The following TET1 variants were observed in gnomAD, a reference collection of about 807,000 sequenced individuals.
TET1 encodes methylcytosine dioxygenase TET1.
In TET1, 13 loss-of-function variants were observed where a neutral mutation model predicts 148.7. The ratio of observed to expected loss-of-function variants is 0.09; its 90% confidence interval spans 0.06 to 0.14. TET1 has a LOEUF of 0.14. Among genes scored for constraint, TET1 ranks in the 10% least tolerant of loss-of-function variants. The probability of loss-of-function intolerance (pLI) is 1.00; values close to 1 mark genes in which losing one functional copy is unlikely to be tolerated. For missense variants in TET1, 2,182 were observed against 2,553.8 expected (o/e 0.85, Z 3.14); for synonymous variants, 907 against 937.2 (o/e 0.97, Z 0.59).
intron 2 of TET1, among the ~76,000 whole-genome samples, chr10:68,586,510 T>C (rs1041914091): frequency 2.2e-4 from 32 of 147,090 alleles, no homozygotes; most frequent in African/African-American, 6.4e-4. Flanking sequence ...TTAATTTTTA[T>C]TTTTTGTAGA....
In TET1 at chr10:68,608,902, G is replaced by C. The variant is rs888300695; in HGVS notation, c.1968+7868G>C. Among the ~76,000 whole-genome samples, 8 of 152,162 alleles carry C rather than the reference G, an allele frequency of 5.3e-5. No individual in the cohort carries two copies. In the East Asian group the frequency reaches 1.5e-3, roughly 29 times the overall value. ...AAGAGGGGTCTCAAATGTTGCCCAG[G>C]GTGGTCTCAACCTCCTGGATTCAAG... On this transcript the variant is annotated intron_variant, in intron 3 of 11. Transcript: ENST00000373644.
intron 6 of TET1, among the ~76,000 whole-genome samples, chr10:68,664,503 C>A (rs765843676): frequency 4.8e-5 from 7 of 146,670 alleles, no homozygotes; most frequent in Non-Finnish European, 9.0e-5. Context: ...CGGCTCCCGC[C>A]TAAGCCTCCC....
chr10:68,678,465 A>T (rs1047845563), intron 8 of TET1, among the ~76,000 whole-genome samples: 1 of 152,200 alleles, frequency 6.6e-6, no homozygotes, highest in African/African-American at 2.4e-5. Context: ...GAGTGTGAAC[A>T]GAGGCCTGGT....
chr10:68,692,425 T>C lies in TET1; in HGVS notation c.*611T>C, dbSNP rs899497733. On this transcript the variant is annotated 3_prime_UTR_variant, in exon 12 of 12. Transcript: ENST00000373644. ...AGGCTGTTCATAAATTGTAAATATA[T>C]ATTTTAAAAGCACTTTCTATTTTTA... 2 of 231,944 alleles carry C rather than the reference T, an allele frequency of 8.6e-6. No individual in the cohort carries two copies. The highest frequency in any genetic ancestry group is 1.7e-5 in the Non-Finnish European group (2 of 117,118). The allele number at this position is 231,944 out of a possible 1,614,324, so 14.4% of individuals were successfully genotyped here.
At chr10:68,671,277 C>T (rs1296347487) in intron 7 of TET1, among the ~76,000 whole-genome samples, 1 of 152,206 alleles carries the variant, frequency 6.6e-6, no homozygotes, top group Non-Finnish European at 1.5e-5. Context: ...TTAACTCCTA[C>T]TTATAAGTGA....
At chr10:68,633,681 T>C (rs1001809407) in intron 3 of TET1, among the ~76,000 whole-genome samples, 8 of 152,194 alleles carry the variant, frequency 5.3e-5, no homozygotes, top group African/African-American at 1.9e-4. Context: ...TCTGCTCACC[T>C]TGGCCTTCCA....
intron 3 of TET1, among the ~76,000 whole-genome samples, chr10:68,631,436 T>C (rs201076874): frequency 4.9e-4 from 24 of 49,136 alleles, no homozygotes; most frequent in East Asian, 8.9e-4. Flanking sequence ...CTTTCTTCTT[T>C]TTTTTTTTTT....
chr10:68,622,547 T>G (rs1241745009), intron 3 of TET1, among the ~76,000 whole-genome samples: 4 of 152,018 alleles, frequency 2.6e-5, no homozygotes, highest in South Asian at 2.1e-4. Flanking sequence ...ATTACAGGCA[T>G]GAGCCACCAC....
At chr10:68,671,769 GTTTTGT>G (rs539861971) in intron 7 of TET1, among the ~76,000 whole-genome samples, 1,702 of 152,164 alleles carry the variant, frequency 0.011, 33 homozygotes, top group African/African-American at 0.038. Flanking sequence ...TTCAGAAACT[GTTTTGT>G]TTTTGTTTTT....
At chr10:68,605,473 T>C (rs761690964) in intron 3 of TET1, among the ~76,000 whole-genome samples, 1 of 152,190 alleles carries the variant, frequency 6.6e-6, no homozygotes. Flanking sequence ...TAGGGAAAGA[T>C]ACTTAACATT....
chr10:68,668,083 G>A (rs2055218712), intron 7 of TET1, among the ~76,000 whole-genome samples: 1 of 151,958 alleles, frequency 6.6e-6, no homozygotes, highest in Non-Finnish European at 1.5e-5. Context: ...TTTTTTGTTT[G>A]TTTGTTTTAA....
intron 3 of TET1, among the ~76,000 whole-genome samples, chr10:68,622,951 G>A (rs73278526): frequency 6.6e-6 from 1 of 152,080 alleles, no homozygotes; most frequent in Non-Finnish European, 1.5e-5. Context: ...TAATCCACAG[G>A]AGTCAGGTGC....
At chr10:68,637,955 G>C (rs1437577595) in intron 3 of TET1, among the ~76,000 whole-genome samples, 1 of 151,824 alleles carries the variant, frequency 6.6e-6, no homozygotes, top group African/African-American at 2.4e-5. Flanking sequence ...AATTTTTGTA[G>C]TTTTCGTAGA....
At position 68,693,063 on chromosome 10, in the gene TET1, G is replaced by A. The variant is rs1378182737; in HGVS notation, c.*1249G>A. ...ACAAACATGGCTTTGTCCATTAAGA[G>A]CTAATTCATTTGTTTATCTTAGCAT... On this transcript the variant is annotated 3_prime_UTR_variant, in exon 12 of 12. Coordinates refer to ENST00000373644, the MANE Select transcript of TET1 (RefSeq NM_030625.3). 2 of 229,374 alleles carry A rather than the reference G, an allele frequency of 8.7e-6. No homozygotes were observed. Among genetic ancestry groups the A allele is most frequent in the Non-Finnish European group, 1.7e-5 (2 of 116,954 alleles). 14.2% of individuals were successfully genotyped at this position (229,374 alleles called of 1,614,324 possible).
intron 3 of TET1, among the ~76,000 whole-genome samples, chr10:68,604,442 C>G (rs1205261485): frequency 6.6e-6 from 1 of 152,144 alleles, no homozygotes; most frequent in Non-Finnish European, 1.5e-5. Context: ...ATTACTAATC[C>G]TAGGCCTGAA....
chr10:68,631,156 A>G (rs1341888570), intron 3 of TET1, among the ~76,000 whole-genome samples: 1 of 152,202 alleles, frequency 6.6e-6, no homozygotes, highest in Non-Finnish European at 1.5e-5. Flanking sequence ...AGCCTAGGCA[A>G]TAGTGCCAAA....
chr10:68,691,341 C>A lies in TET1; in HGVS notation c.5938C>A (p.Leu1980Met). The change falls in exon 12 of 12, where the codon CTG (leucine) becomes ATG (methionine). Residue 1980 changes from leucine (L) to methionine (M), a missense_variant. Coordinates refer to ENST00000373644, the MANE Select transcript of TET1 (RefSeq NM_030625.3). The surrounding 1 kb of genome is among the most constrained non-coding windows in gnomAD (Gnocchi z 4.4). ...AGACGAACCCCTATCTGATGACCCC[C>A]TGTCACCTGCTGAGGAGAAATTGCC... Reference protein sequence around the residue: ...PSDEPLSDDPLSPAEEKLPHI... With the variant: ...PSDEPLSDDPMSPAEEKLPHI... The A allele has an allele frequency of 1.2e-6, 2 of 1,614,206 alleles. No individual in the cohort carries two copies. The highest frequency in any genetic ancestry group is 1.7e-6 in the Non-Finnish European group (2 of 1,180,040).
At chr10:68,652,456 A>G (rs200873097) in intron 5 of TET1, 45 bp from the exon 6 acceptor site, 1 of 1,408,996 alleles carries the variant, frequency 7.1e-7, no homozygotes, top group East Asian at 2.3e-5. Flanking sequence ...TCAAGTACAG[A>G]TTGCAATTAA....
intron 8 of TET1, among the ~76,000 whole-genome samples, chr10:68,677,445 T>C (rs1314715113): frequency 6.6e-6 from 1 of 152,226 alleles, no homozygotes; most frequent in Non-Finnish European, 1.5e-5. Context: ...ATTCCCAAAG[T>C]GCTCCATGCT....
Sources: gnomAD v4.1 joint callset for allele counts (sites outside exome capture counted in the v4.1 genomes callset) on GRCh38, gnomAD v4.1.1 for gene constraint, Gnocchi (gnomAD v3.1) non-coding constraint, MANE v1.5 for transcripts, NCBI Gene and HGNC (gene_info 2026-07-23, HGNC 2026-07-21) for gene names.